Variants in MACROD2 observed in about 807,000 individuals in gnomAD.
MACROD2 encodes mono-ADP ribosylhydrolase 2, also known as ADP-ribose glycohydrolase MACROD2.
In MACROD2, 36 loss-of-function variants were observed where a neutral mutation model predicts 70.4. The observed-to-expected ratio is 0.51, with a 90% CI of 0.39 to 0.68. MACROD2 has a LOEUF of 0.68. Ranked by LOEUF, MACROD2 falls within the 30% of genes least tolerant of loss-of-function variation. The probability of loss-of-function intolerance (pLI) is 0.00; values close to 1 mark genes in which losing one functional copy is unlikely to be tolerated. For missense variants in MACROD2, 496 were observed against 538.4 expected (o/e 0.92, Z 0.78); for synonymous variants, 172 against 178.8 (o/e 0.96, Z 0.30).
At chr20:15,243,325 A>C (rs1269473385) in intron 6 of MACROD2, among the ~76,000 whole-genome samples, 2 of 152,184 alleles carry the variant, frequency 1.3e-5, no homozygotes, top group East Asian at 3.9e-4. Flanking sequence ...GATATGGTTT[A>C]AAATTTAACA....
intron 3 of MACROD2, among the ~76,000 whole-genome samples, chr20:14,194,532 G>T (rs2081414473): frequency 6.6e-6 from 1 of 152,126 alleles, no homozygotes; most frequent in African/African-American, 2.4e-5. Flanking sequence ...AAACAACCCA[G>T]GATAAAGCAG....
intron 2 of MACROD2, among the ~76,000 whole-genome samples, chr20:14,009,982 G>T (rs565933388): frequency 6.6e-6 from 1 of 152,128 alleles, no homozygotes; most frequent in Admixed American, 6.5e-5. Context: ...AGGTAAGGAT[G>T]GGAGGAGTGA....
intron 6 of MACROD2, among the ~76,000 whole-genome samples, chr20:15,379,009 A>T (rs2045604719): frequency 6.6e-6 from 1 of 152,220 alleles, no homozygotes; most frequent in South Asian, 2.1e-4. Flanking sequence ...GTCAAAGGAA[A>T]GCATTAAAGG....
chr20:15,275,178 G>A (rs139013469), intron 6 of MACROD2, among the ~76,000 whole-genome samples: 36 of 152,274 alleles, frequency 2.4e-4, no homozygotes, highest in African/African-American at 8.4e-4. Flanking sequence ...TGGGTCCATG[G>A]CATTGCCATA....
At chr20:15,542,938 C>T (rs1358123614) in intron 8 of MACROD2, among the ~76,000 whole-genome samples, 3 of 152,146 alleles carry the variant, frequency 2.0e-5, no homozygotes, top group Admixed American at 6.5e-5. Flanking sequence ...CGAGTCTACC[C>T]CACTGGCAGA....
chr20:14,361,084 C>CTAAA (rs1307667458), intron 3 of MACROD2, among the ~76,000 whole-genome samples: 13 of 152,054 alleles, frequency 8.5e-5, no homozygotes, highest in Non-Finnish European at 2.9e-5. Flanking sequence ...CGGTGATAAT[C>CTAAA]CCTTTCATTT....
chr20:15,378,056 G>C (rs1312495477), intron 6 of MACROD2, among the ~76,000 whole-genome samples: 4 of 151,612 alleles, frequency 2.6e-5, no homozygotes, highest in Admixed American at 2.6e-4. Context: ...TGGGTTAATG[G>C]GTGCAGCAAA....
chr20:14,369,961 C>T (rs1214446846), intron 3 of MACROD2, among the ~76,000 whole-genome samples: 3 of 152,028 alleles, frequency 2.0e-5, no homozygotes, highest in Non-Finnish European at 4.4e-5. Context: ...GAATTATTGG[C>T]AAAGGCAGGA....
At chr20:14,135,937 A>G (rs1261391107) in intron 3 of MACROD2, among the ~76,000 whole-genome samples, 1 of 152,226 alleles carries the variant, frequency 6.6e-6, no homozygotes, top group Non-Finnish European at 1.5e-5. Flanking sequence ...AAACAATGTA[A>G]GAATGTCCAT....
intron 15 of MACROD2, among the ~76,000 whole-genome samples, chr20:15,987,796 A>G (rs553198597): frequency 1.3e-5 from 2 of 152,292 alleles, no homozygotes; most frequent in Admixed American, 6.5e-5. Flanking sequence ...TAAAAAAACT[A>G]TTCTGGTTAA....
intron 8 of MACROD2, among the ~76,000 whole-genome samples, chr20:15,507,700 A>G (rs972557808): frequency 3.9e-5 from 6 of 151,912 alleles, no homozygotes; most frequent in African/African-American, 1.2e-4. Flanking sequence ...GTGTCACCAT[A>G]CACTGCCACA....
At chr20:14,675,780 T>C (rs1172297409) in intron 4 of MACROD2, among the ~76,000 whole-genome samples, 4 of 152,106 alleles carry the variant, frequency 2.6e-5, no homozygotes, top group South Asian at 2.1e-4. Context: ...CAAGACCCTT[T>C]GGTGTGCTGT....
At chr20:15,398,596 AC>A (rs1419037501) in intron 6 of MACROD2, among the ~76,000 whole-genome samples, 20 of 152,354 alleles carry the variant, frequency 1.3e-4, no homozygotes, top group Non-Finnish European at 2.9e-5. Context: ...TTACCTGTAA[AC>A]AACAGTTTTC....
At chr20:15,205,022 G>A (rs1439959622) in intron 5 of MACROD2, among the ~76,000 whole-genome samples, 1 of 152,128 alleles carries the variant, frequency 6.6e-6, no homozygotes, top group African/African-American at 2.4e-5. Flanking sequence ...TATATGTGAG[G>A]AAGTGTGTCT....
intron 8 of MACROD2, among the ~76,000 whole-genome samples, chr20:15,828,346 C>T: frequency 6.6e-6 from 1 of 152,088 alleles, no homozygotes; most frequent in Admixed American, 6.6e-5. Context: ...TAAGTGTTTA[C>T]AACATATATG....
At chr20:14,082,245 C>T (rs1164321941) in intron 2 of MACROD2, among the ~76,000 whole-genome samples, 1 of 120,014 alleles carries the variant, frequency 8.3e-6, no homozygotes, top group Non-Finnish European at 1.6e-5. Context: ...GTGGCATGAT[C>T]TCAGCTCACT....
chr20:15,190,903 T>G (rs2076566200), intron 5 of MACROD2, among the ~76,000 whole-genome samples: 1 of 152,138 alleles, frequency 6.6e-6, no homozygotes. Context: ...TAGTTCAGAG[T>G]ATGCGGTCTG....
At chr20:15,833,864 T>A (rs2064084308) in intron 8 of MACROD2, among the ~76,000 whole-genome samples, 1 of 152,198 alleles carries the variant, frequency 6.6e-6, no homozygotes, top group African/African-American at 2.4e-5. Flanking sequence ...TTGATGATCA[T>A]CCTTGAGTCA....
At chr20:14,715,157 C>T (rs1200375334) in intron 5 of MACROD2, among the ~76,000 whole-genome samples, 1 of 152,124 alleles carries the variant, frequency 6.6e-6, no homozygotes, top group Non-Finnish European at 1.5e-5. Flanking sequence ...TTATGCTTCT[C>T]ATGGTGGCGG....
Sources: allele counts gnomAD v4.1 joint callset (sites outside exome capture counted in the v4.1 genomes callset), GRCh38; gene constraint gnomAD v4.1.1; transcripts MANE v1.5; gene names NCBI Gene and HGNC (gene_info 2026-07-23, HGNC 2026-07-21).